Variants in YWHAZ observed in about 807,000 individuals in gnomAD.
YWHAZ encodes tyrosine 3-monooxygenase/tryptophan 5-monooxygenase activation protein zeta.
For synonymous variants in YWHAZ, 87 were observed against 103.6 expected (o/e 0.84, Z 0.97); for missense variants, 79 against 284.8 (o/e 0.28, Z 5.20).
chr8:100,930,602 C>T (rs1233938017), intron 2 of YWHAZ, among the ~76,000 whole-genome samples: 2 of 152,302 alleles, frequency 1.3e-5, no homozygotes, highest in Admixed American at 6.5e-5. Flanking sequence ...TAGAAATCCA[C>T]AGTATTTCCT....
At chr8:100,947,123 A>G (rs1052357008) in intron 2 of YWHAZ, among the ~76,000 whole-genome samples, 2 of 151,548 alleles carry the variant, frequency 1.3e-5, no homozygotes, top group African/African-American at 2.4e-5. Flanking sequence ...GCGCAGTGGC[A>G]GGCGCCTGTA....
chr8:100,918,427 T>TATATATATAC lies in YWHAZ; in HGVS notation c.*2265_*2266insGTATATATAT, dbSNP rs1812807053. The TATATATATAC allele has an allele frequency of 1.1e-5, 1 of 91,978 alleles. No homozygotes were observed. Among genetic ancestry groups the TATATATATAC allele is most frequent in the Non-Finnish European group, 2.3e-5 (1 of 43,490 alleles). 5.7% of individuals were successfully genotyped at this position (91,978 alleles called of 1,614,324 possible). On this transcript the variant is annotated 3_prime_UTR_variant, in exon 6 of 6. Coordinates refer to ENST00000395958, the MANE Select transcript of YWHAZ (RefSeq NM_145690.3). ...ATTACTTTATATATATATATATATA[T>TATATATATAC]ATATATATATATATATAATTATTTT...
rs573306383 is a variant in YWHAZ, at chr8:100,951,447, C to T, written c.-12+482G>A. The T allele has an allele frequency of 2.2e-3, 2,136 of 983,122 alleles. 29 individuals are homozygous for T. In the African/African-American group the frequency reaches 0.032, roughly 15 times the overall value. The allele number at this position is 983,122 out of a possible 1,614,324, so 60.9% of individuals were successfully genotyped here. ...GGCGGCCGAGGGAGAGGGGAGGGGGCGGCCTCACCTGCGCCACTGCGATGC... is the reference window on the plus strand; with the variant it reads ...GGCGGCCGAGGGAGAGGGGAGGGGGTGGCCTCACCTGCGCCACTGCGATGC... On this transcript the variant is annotated intron_variant, in intron 1 of 5. Coordinates refer to ENST00000395958, the MANE Select transcript of YWHAZ (RefSeq NM_145690.3).
At chr8:100,921,895 T>G (rs1813049135) in intron 5 of YWHAZ, among the ~76,000 whole-genome samples, 1 of 152,224 alleles carries the variant, frequency 6.6e-6, no homozygotes, top group South Asian at 2.1e-4. Context: ...ATTTTATATA[T>G]GACTTACACA....
In YWHAZ at chr8:100,926,457, CCT is replaced by C. The variant is rs1013438756; in HGVS notation, c.295-1420_295-1419del. On this transcript the variant is annotated intron_variant, in intron 2 of 5. Coordinates refer to ENST00000395958, the MANE Select transcript of YWHAZ (RefSeq NM_145690.3). Reference sequence around the variant, plus strand: ...GTGAGCCTCGTCAACATGGTGAAACCCTGTCTCTACTAAAAATACAAAAATTA... The same window carrying C: ...GTGAGCCTCGTCAACATGGTGAAACCGTCTCTACTAAAAATACAAAAATTA... 4.6e-5 allele frequency among the ~76,000 whole-genome samples: 7 copies of C among 152,174 alleles called. No individual in the cohort carries two copies. The East Asian group carries it at 1.2e-3, about 25-fold the overall frequency.
chr8:100,945,227 C>T (rs573146693), intron 2 of YWHAZ, among the ~76,000 whole-genome samples: 41 of 152,288 alleles, frequency 2.7e-4, no homozygotes, highest in Middle Eastern at 3.4e-3. Context: ...GACCACTTCC[C>T]GCCATAATGC....
Position 100,942,568 on chromosome 8 carries a change from T to C in YWHAZ, c.294+6028A>G, listed in dbSNP as rs114018873. Among the ~76,000 whole-genome samples, 788 of 152,326 alleles carry C rather than the reference T, an allele frequency of 5.2e-3. 9 individuals carry two copies. The highest frequency in any genetic ancestry group is 0.017 in the African/African-American group (718 of 41,570). ...TGTACTTTACAAATACACAAATGTT[T>C]TCAAGGAGAAAAGAACAGAGCCAAT... On this transcript the variant is annotated intron_variant, in intron 2 of 5. Coordinates refer to ENST00000395958, the MANE Select transcript of YWHAZ (RefSeq NM_145690.3).
At position 100,952,015 on chromosome 8, in the gene YWHAZ, T is replaced by C; in HGVS notation, c.-98A>G. 1.0e-6 allele frequency: 1 copy of C among 999,424 alleles called. No individual in the cohort carries two copies. Among genetic ancestry groups the C allele is most frequent in the Non-Finnish European group, 1.2e-6 (1 of 839,748 alleles). 61.9% of individuals were successfully genotyped at this position (999,424 alleles called of 1,614,324 possible). A position where few individuals can be genotyped will look rare whatever the true frequency, so the allele number is the denominator to read the frequency against. On this transcript the variant is annotated 5_prime_UTR_variant, in exon 1 of 6. Coordinates refer to ENST00000395958, the MANE Select transcript of YWHAZ (RefSeq NM_145690.3). ...GCGGCAGCAGCGGCGAGGCTGAGAC[T>C]CTGTCCCTGGATCTCGCTGCTCACA... is the stretch of plus-strand genomic sequence containing the variant.
At chr8:100,952,149 T>G, upstream of YWHAZ, 11 of 985,426 alleles carry the variant, frequency 1.1e-5, no homozygotes, top group Non-Finnish European at 1.3e-5. Flanking sequence ...CGTTGATTGG[T>G]GCCCACAGCG....
At position 100,924,385 on chromosome 8, in the gene YWHAZ, C is replaced by T; in HGVS notation, c.419-87G>A. Reference sequence around the variant, plus strand: ...CCAAACCTTTAATATCTCACATATCCTTTGAAATACTAACCTGTAACAGCT... The same window carrying T: ...CCAAACCTTTAATATCTCACATATCTTTTGAAATACTAACCTGTAACAGCT... On this transcript the variant is annotated intron_variant, in intron 3 of 5. Coordinates refer to ENST00000395958, the MANE Select transcript of YWHAZ (RefSeq NM_145690.3). This position sits in a 1 kb window ranked among gnomAD's most constrained non-coding sequence, Gnocchi z 5.7. 1.5e-6 allele frequency: 2 copies of T among 1,318,744 alleles called. No homozygotes were observed. The highest frequency in any genetic ancestry group is 1.0e-6 in the Non-Finnish European group (1 of 969,188). 81.7% of individuals were successfully genotyped at this position (1,318,744 alleles called of 1,614,324 possible).
At chr8:100,943,098 G>A (rs553575691) in intron 2 of YWHAZ, among the ~76,000 whole-genome samples, 50 of 152,282 alleles carry the variant, frequency 3.3e-4, no homozygotes, top group Admixed American at 9.2e-4. Context: ...CCAACATGTC[G>A]TGTGATTAAG....
chr8:100,950,482 T>A (rs1048666868), intron 1 of YWHAZ: 1 of 985,422 alleles, frequency 1.0e-6, no homozygotes, highest in African/African-American at 1.7e-5. Flanking sequence ...CCGGTCCGCG[T>A]ATCGCAACCA....
At chr8:100,952,143 G>A, upstream of YWHAZ, 7 of 985,640 alleles carry the variant, frequency 7.1e-6, no homozygotes, top group Non-Finnish European at 8.4e-6. Context: ...GGCAACCGTT[G>A]ATTGGTGCCC....
chr8:100,929,069 T>C (rs1813575630), intron 2 of YWHAZ, among the ~76,000 whole-genome samples: 1 of 152,238 alleles, frequency 6.6e-6, no homozygotes, highest in Admixed American at 6.5e-5. Context: ...AGATGTCATC[T>C]GTTTCTTTTA....
At chr8:100,951,415 A>AGGAGTGGGCGGCCGAGGGAGAGG in intron 1 of YWHAZ, 1 of 978,408 alleles carries the variant, frequency 1.0e-6, no homozygotes, top group Non-Finnish European at 1.2e-6. Flanking sequence ...GGGGAGGGAA[A>AGGAGTGGGCGGCCGAGGGAGAGG]GGAGGGGGCG....
chr8:100,921,739 T>G (rs1191460077), intron 5 of YWHAZ, among the ~76,000 whole-genome samples: 1 of 152,240 alleles, frequency 6.6e-6, no homozygotes, highest in Non-Finnish European at 1.5e-5. Context: ...GAACCAAATC[T>G]TTTAACAGGT....
intron 2 of YWHAZ, among the ~76,000 whole-genome samples, chr8:100,941,473 G>A (rs904459519): frequency 3.3e-5 from 5 of 152,126 alleles, no homozygotes; most frequent in African/African-American, 1.2e-4. Flanking sequence ...TTGCAAGTTA[G>A]AAATTAACTG....
At position 100,918,521 on chromosome 8, in the gene YWHAZ, A is replaced by ATTG. The variant is rs1043090241; in HGVS notation, c.*2169_*2171dup. ...AAAGAAAGAGCTGCGAGGGAAAAGG[A>ATTG]TTGTTGCCCTAGATGCAGAAGGTAT... On this transcript the variant is annotated 3_prime_UTR_variant, in exon 6 of 6. Transcript: ENST00000395958. The ATTG allele has an allele frequency of 2.7e-5, 4 of 147,436 alleles. No individual in the cohort carries two copies. The highest frequency in any genetic ancestry group is 4.5e-5 in the Non-Finnish European group (3 of 66,994). 9.1% of individuals were successfully genotyped at this position (147,436 alleles called of 1,614,324 possible).
chr8:100,952,921 G>A, upstream of YWHAZ: 3 of 1,000,578 alleles, frequency 3.0e-6, no homozygotes, highest in South Asian at 4.7e-5. Context: ...CAGCCCCTGA[G>A]TGTGGCTGAG....
Sources: gnomAD v4.1 joint callset for allele counts (sites outside exome capture counted in the v4.1 genomes callset) on GRCh38, gnomAD v4.1.1 for gene constraint, Gnocchi (gnomAD v3.1) non-coding constraint, MANE v1.5 for transcripts, NCBI Gene and HGNC (gene_info 2026-07-23, HGNC 2026-07-21) for gene names.